CSMD2: variants seen among roughly 807,000 people sequenced by gnomAD.
CSMD2 encodes CUB and Sushi multiple domains 2.
CSMD2 carries 130 observed loss-of-function variants against 398.5 expected under a neutral mutation model. That is an observed-to-expected ratio of 0.33 (90% CI 0.28 to 0.38). The LOEUF is 0.38. CSMD2 is among the 10% of genes least tolerant of loss of function. CSMD2 has a pLI of 1.00. For missense variants in CSMD2, 3,829 were observed against 4,764.9 expected (o/e 0.80, Z 5.78); for synonymous variants, 1,828 against 1,908.5 (o/e 0.96, Z 1.10).
chr1:33,868,794 G>A (rs182514497), intron 5 of CSMD2, among the ~76,000 whole-genome samples: 507 of 152,056 alleles, frequency 3.3e-3, no homozygotes, highest in Non-Finnish European at 5.8e-3. Context: ...TTTTTGATAG[G>A]GTAAAGTACT....
At chr1:33,717,388 A>T (rs151278575) in intron 19 of CSMD2, among the ~76,000 whole-genome samples, 1 of 152,090 alleles carries the variant, frequency 6.6e-6, no homozygotes, top group Non-Finnish European at 1.5e-5. Context: ...AAGGAGCAAG[A>T]GCAGGAGATG....
intron 14 of CSMD2, among the ~76,000 whole-genome samples, chr1:33,741,775 G>A (rs1647076088): frequency 6.6e-6 from 1 of 152,134 alleles, no homozygotes; most frequent in South Asian, 2.1e-4. Flanking sequence ...CTCAGCCCCT[G>A]GGCCATCAGC....
At chr1:33,657,827 T>A (rs1571116260) in intron 27 of CSMD2, 119 bp downstream of exon 27, 2 of 1,002,276 alleles carry the variant, frequency 2.0e-6, no homozygotes, top group African/African-American at 3.2e-5. Context: ...TTTCTGCAAC[T>A]TTTGTCTGTT....
At chr1:33,553,538 G>A (rs1413718199) in intron 55 of CSMD2, among the ~76,000 whole-genome samples, 1 of 152,122 alleles carries the variant, frequency 6.6e-6, no homozygotes, top group African/African-American at 2.4e-5. Flanking sequence ...GCCCTATGAT[G>A]TCCTCTAAGT....
At chr1:33,825,132 C>T (rs982785278) in intron 7 of CSMD2, among the ~76,000 whole-genome samples, 3 of 132,764 alleles carry the variant, frequency 2.3e-5, no homozygotes, top group African/African-American at 9.3e-5. Context: ...AGATGTCATC[C>T]TCCCCATGCC....
intron 1 of CSMD2, among the ~76,000 whole-genome samples, chr1:34,109,737 T>C (rs1660860091): frequency 6.6e-6 from 1 of 151,884 alleles, no homozygotes. Context: ...AACAGACACT[T>C]TCCAAAAGAA....
rs139507206 is a variant in CSMD2, at chr1:33,980,551, G to A, written c.518-44597C>T. Among the ~76,000 whole-genome samples the A allele has an allele frequency of 1.5e-4, 23 of 152,272 alleles. 1 individual carries two copies. In the East Asian group the frequency reaches 4.4e-3, roughly 29 times the overall value. On this transcript the variant is annotated intron_variant, in intron 3 of 70. Transcript: ENST00000373381. ...AGGTACACAGTAAGCACTCAATTAA[G>A]ACAGTTGTTTTATTTTCTTCGCTTG...
At chr1:33,676,283 G>A (rs1461461273) in intron 25 of CSMD2, among the ~76,000 whole-genome samples, 4 of 152,206 alleles carry the variant, frequency 2.6e-5, no homozygotes, top group South Asian at 2.1e-4. Context: ...AAATCAATGT[G>A]CAAAAATCAC....
chr1:33,976,221 C>T (rs1471369241), intron 3 of CSMD2, among the ~76,000 whole-genome samples: 1 of 152,172 alleles, frequency 6.6e-6, no homozygotes, highest in Admixed American at 6.5e-5. Context: ...ATCTGTCTTG[C>T]CCAAGGGCTG....
At chr1:33,815,875 G>A (rs1216319859) in intron 9 of CSMD2, among the ~76,000 whole-genome samples, 1 of 152,108 alleles carries the variant, frequency 6.6e-6, no homozygotes, top group Non-Finnish European at 1.5e-5. Context: ...TGTCATCCAG[G>A]GAAAATAAGT....
At chr1:33,946,923 C>A (rs941740693) in intron 3 of CSMD2, among the ~76,000 whole-genome samples, 1 of 152,148 alleles carries the variant, frequency 6.6e-6, no homozygotes, top group Non-Finnish European at 1.5e-5. Context: ...GCATGAGCCA[C>A]CCCGCCCGGC....
At chr1:34,000,429 A>G (rs1005182473) in intron 3 of CSMD2, among the ~76,000 whole-genome samples, 1 of 152,128 alleles carries the variant, frequency 6.6e-6, no homozygotes, top group African/African-American at 2.4e-5. Flanking sequence ...AAACCACCAC[A>G]CGCAGCAGCT....
rs757615159 is a variant in CSMD2 at position 33,626,586 on chromosome 1, C to T, written c.5201-5G>A. On this transcript the variant is annotated splice_polypyrimidine_tract_variant and splice_region_variant and intron_variant, in intron 32 of 70. Coordinates refer to ENST00000373381, the MANE Select transcript of CSMD2 (RefSeq NM_001281956.2). ...TGGCCAAGGGCAGTGATTCTCCTGC[C>T]GAGATAAGGGGCAAGGAGGAGAGAA... is the stretch of plus-strand genomic sequence containing the variant. The T allele has an allele frequency of 3.0e-5, 47 of 1,591,328 alleles. No homozygotes were observed. The highest frequency in any genetic ancestry group is 2.9e-4 in the East Asian group (13 of 44,342).
intron 7 of CSMD2, among the ~76,000 whole-genome samples, chr1:33,823,975 A>G (rs1658490703): frequency 6.6e-6 from 1 of 152,126 alleles, no homozygotes. Context: ...TGGCTAGTCC[A>G]TGGGCCTCCT....
chr1:34,006,168 A>G (rs1647047778), intron 3 of CSMD2, among the ~76,000 whole-genome samples: 1 of 152,148 alleles, frequency 6.6e-6, no homozygotes, highest in Admixed American at 6.5e-5. Flanking sequence ...CTCCATCCTG[A>G]ATCCCAGCCA....
At chr1:33,592,803 G>T (rs575474541) in intron 44 of CSMD2, among the ~76,000 whole-genome samples, 4 of 152,102 alleles carry the variant, frequency 2.6e-5, no homozygotes, top group African/African-American at 9.7e-5. Flanking sequence ...CAAAAAATTA[G>T]CTGGGCGAGG....
intron 3 of CSMD2, among the ~76,000 whole-genome samples, chr1:34,009,887 G>A (rs561938197): frequency 3.3e-5 from 5 of 152,088 alleles, no homozygotes; most frequent in South Asian, 4.2e-4. Flanking sequence ...CCTAGCTCAC[G>A]TCTCATCATC....
chr1:33,825,025 C>T (rs1347978220), intron 7 of CSMD2, among the ~76,000 whole-genome samples: 1 of 152,150 alleles, frequency 6.6e-6, no homozygotes, highest in Non-Finnish European at 1.5e-5. Context: ...TAGCACAGGC[C>T]CTGATCAGGT....
intron 6 of CSMD2, among the ~76,000 whole-genome samples, chr1:33,832,986 A>C (rs1269432636): frequency 1.3e-5 from 2 of 151,248 alleles, no homozygotes; most frequent in East Asian, 2.0e-4. Flanking sequence ...CAATAACAGG[A>C]TCTGAAATTG....
Sources: gnomAD v4.1 joint callset for allele counts (sites outside exome capture counted in the v4.1 genomes callset) on GRCh38, gnomAD v4.1.1 for gene constraint, MANE v1.5 for transcripts, NCBI Gene and HGNC (gene_info 2026-07-23, HGNC 2026-07-21) for gene names.